The following PDSS2 variants were observed in gnomAD, a reference collection of about 807,000 sequenced individuals.
PDSS2 encodes decaprenyl diphosphate synthase subunit 2, also known as all trans-polyprenyl-diphosphate synthase PDSS2.
Under a neutral mutation model 44.5 loss-of-function variants are expected in PDSS2, and 31 were observed. The ratio of observed to expected loss-of-function variants is 0.70; its 90% CI spans 0.52 to 0.94. PDSS2 has a LOEUF of 0.94. Among genes scored for constraint, PDSS2 ranks in the 40% least tolerant of loss-of-function variants. The probability of loss-of-function intolerance (pLI) is 0.00; values close to 1 mark genes in which losing one functional copy is unlikely to be tolerated. For synonymous variants in PDSS2, 157 were observed against 180.3 expected (o/e 0.87, Z 1.03); for missense variants, 452 against 482.2 (o/e 0.94, Z 0.59).
At chr6:107,351,701 T>G (rs545669231) in intron 1 of PDSS2, among the ~76,000 whole-genome samples, 1 of 152,176 alleles carries the variant, frequency 6.6e-6, no homozygotes, top group Non-Finnish European at 1.5e-5. Flanking sequence ...AAAAAATAGT[T>G]AAAATTTCAG....
In PDSS2 at chr6:107,200,427, C is replaced by T. The variant is rs569221066; in HGVS notation, c.1009-6573G>A. On this transcript the variant is annotated intron_variant, in intron 6 of 7. Transcript: ENST00000369037. Reference sequence around the variant, plus strand: ...GTATTGGAATCACCTGGGTAGCTTGCGAAAAATGCAGATTCTCCATAGCCT... The same window carrying T: ...GTATTGGAATCACCTGGGTAGCTTGTGAAAAATGCAGATTCTCCATAGCCT... Among the ~76,000 whole-genome samples the T allele has an allele frequency of 8.5e-5, 13 of 152,226 alleles. No homozygotes were observed. In the South Asian group the frequency reaches 2.3e-3, roughly 27 times the overall value.
intron 1 of PDSS2, among the ~76,000 whole-genome samples, chr6:107,338,756 G>T (rs1194176953): frequency 6.6e-6 from 1 of 152,190 alleles, no homozygotes; most frequent in Non-Finnish European, 1.5e-5. Flanking sequence ...GGACACAGTT[G>T]TTTCTAGAGC....
chr6:107,173,592 A>AAC (rs1562352175), intron 7 of PDSS2, among the ~76,000 whole-genome samples: 5 of 150,324 alleles, frequency 3.3e-5, no homozygotes, highest in African/African-American at 1.2e-4. Context: ...AAAAAAAAAA[A>AAC]AAAAACGCTT....
intron 1 of PDSS2, among the ~76,000 whole-genome samples, chr6:107,391,498 T>A (rs1241122937): frequency 3.3e-5 from 5 of 151,470 alleles, no homozygotes; most frequent in Admixed American, 6.6e-5. Flanking sequence ...GATGGGGGGA[T>A]TACAAAGCAG....
At chr6:107,177,767 G>A (rs911934596) in intron 7 of PDSS2, among the ~76,000 whole-genome samples, 1 of 152,148 alleles carries the variant, frequency 6.6e-6, no homozygotes, top group African/African-American at 2.4e-5. Context: ...GTCATAGGCT[G>A]TAGACTGCAG....
chr6:107,178,349 A>G (rs529974421), intron 7 of PDSS2, among the ~76,000 whole-genome samples: 2 of 152,320 alleles, frequency 1.3e-5, no homozygotes, highest in South Asian at 4.1e-4. Context: ...TCATATCTGC[A>G]AGATTAACAG....
At position 107,419,425 on chromosome 6, in the gene PDSS2, T is replaced by G. The variant is rs199976111; in HGVS notation, c.296+39565A>C. 1.1e-4 allele frequency among the ~76,000 whole-genome samples: 17 copies of G among 152,300 alleles called. No individual in the cohort carries two copies. The East Asian group carries it at 3.3e-3, about 29-fold the overall frequency. ...ATTTAAGACTTCAGAGATATAGTGCTCCAAGAAAAAGGTCCTTATTAGGAT... is the reference window on the plus strand; with the variant it reads ...ATTTAAGACTTCAGAGATATAGTGCGCCAAGAAAAAGGTCCTTATTAGGAT... On this transcript the variant is annotated intron_variant, in intron 1 of 7. Coordinates refer to ENST00000369037, the MANE Select transcript of PDSS2 (RefSeq NM_020381.4).
At chr6:107,423,631 G>A (rs368448115) in intron 1 of PDSS2, among the ~76,000 whole-genome samples, 38 of 152,206 alleles carry the variant, frequency 2.5e-4, no homozygotes, top group East Asian at 1.3e-3. Context: ...TCACTCTCCC[G>A]AAGCCCTTCC....
chr6:107,455,176 A>G (rs1287633784), intron 1 of PDSS2, among the ~76,000 whole-genome samples: 1 of 150,566 alleles, frequency 6.6e-6, no homozygotes, highest in East Asian at 1.9e-4. Context: ...GTTAGGCAAC[A>G]ATTAGGAAAG....
intron 3 of PDSS2, among the ~76,000 whole-genome samples, chr6:107,256,489 G>A (rs1488712251): frequency 6.6e-6 from 1 of 152,068 alleles, no homozygotes; most frequent in African/African-American, 2.4e-5. Flanking sequence ...ACACTAAAAG[G>A]CAGGTGTTTG....
intron 7 of PDSS2, among the ~76,000 whole-genome samples, chr6:107,189,840 T>C (rs900294407): frequency 6.6e-6 from 1 of 152,042 alleles, no homozygotes; most frequent in African/African-American, 2.4e-5. Flanking sequence ...AGGCATTCTT[T>C]GAGTCATAAA....
In PDSS2 at chr6:107,239,924, G is replaced by A. The variant is rs527314180; in HGVS notation, c.702+5624C>T. On this transcript the variant is annotated intron_variant, in intron 4 of 7. Transcript: ENST00000369037. ...CCCAAAGTGTTGGGATTACAGGCGT[G>A]AGCCACCGTGCCTGGCCTATTTTTC... 9.2e-5 allele frequency among the ~76,000 whole-genome samples: 14 copies of A among 152,130 alleles called. No homozygotes were observed. The East Asian group carries it at 2.3e-3, about 25-fold the overall frequency.
chr6:107,291,830 A>G (rs919830296), intron 2 of PDSS2, among the ~76,000 whole-genome samples: 1 of 152,058 alleles, frequency 6.6e-6, no homozygotes, highest in Non-Finnish European at 1.5e-5. Flanking sequence ...CCTGGGCAAC[A>G]TAGAGAGACC....
At chr6:107,301,728 C>T (rs2115066140) in intron 2 of PDSS2, among the ~76,000 whole-genome samples, 1 of 152,102 alleles carries the variant, frequency 6.6e-6, no homozygotes, top group South Asian at 2.1e-4. Context: ...CTTTTTGAGG[C>T]TGAGGCAGGC....
intron 7 of PDSS2, among the ~76,000 whole-genome samples, chr6:107,187,664 C>CAAAA (rs112747628): frequency 1.7e-5 from 2 of 120,756 alleles, no homozygotes; most frequent in Middle Eastern, 4.3e-3. Flanking sequence ...AACTCCATCT[C>CAAAA]AAAAAAAAAA....
At chr6:107,326,104 C>CTTTTTTTT (rs1177945820) in intron 2 of PDSS2, among the ~76,000 whole-genome samples, 1 of 136,232 alleles carries the variant, frequency 7.3e-6, no homozygotes, top group African/African-American at 2.7e-5. Context: ...TTTCTTTTTT[C>CTTTTTTTT]TTTTTTTTTT....
intron 6 of PDSS2, among the ~76,000 whole-genome samples, chr6:107,200,956 C>A (rs1042585849): frequency 1.3e-5 from 2 of 152,062 alleles, no homozygotes; most frequent in Non-Finnish European, 2.9e-5. Context: ...TGAGTCACTG[C>A]GGCCAGCCAG....
At chr6:107,455,754 C>CAAAAAAAAA (rs60783838) in intron 1 of PDSS2, among the ~76,000 whole-genome samples, 3 of 55,682 alleles carry the variant, frequency 5.4e-5, no homozygotes, top group African/African-American at 8.1e-5. Context: ...GACTCTGTCT[C>CAAAAAAAAA]AAAAAAAAAA....
intron 2 of PDSS2, among the ~76,000 whole-genome samples, chr6:107,331,857 A>G (rs1358048031): frequency 6.6e-6 from 1 of 152,112 alleles, no homozygotes; most frequent in Non-Finnish European, 1.5e-5. Flanking sequence ...GTAGGTGCTC[A>G]TTATCTGTAT....
Sources: gnomAD v4.1 joint callset for allele counts (sites outside exome capture counted in the v4.1 genomes callset) on GRCh38, gnomAD v4.1.1 for gene constraint, MANE v1.5 for transcripts, NCBI Gene and HGNC (gene_info 2026-07-23, HGNC 2026-07-21) for gene names.